The following CTNND2 variants were observed in gnomAD, a reference collection of about 807,000 sequenced individuals.
CTNND2 encodes the protein catenin delta-2.
In CTNND2, 22 loss-of-function variants were observed where a neutral mutation model predicts 144.4. The ratio of observed to expected loss-of-function variants is 0.15; its 90% confidence interval spans 0.11 to 0.22. The LOEUF (loss-of-function observed/expected upper bound fraction) is 0.22. Ranked by LOEUF, CTNND2 falls within the 10% of genes least tolerant of loss-of-function variation. CTNND2 has a pLI of 1.00. For missense variants in CTNND2, 1,353 were observed against 1,618.8 expected, an observed-to-expected ratio of 0.84 and a Z score of 2.82; for synonymous variants, 751 against 695.6, an observed-to-expected ratio of 1.08 and a Z score of -1.25.
chr5:11,242,913 C>T (rs1455074221), intron 9 of CTNND2, among the ~76,000 whole-genome samples: 1 of 152,130 alleles, frequency 6.6e-6, no homozygotes, highest in African/African-American at 2.4e-5. Context: ...TATTTTACTG[C>T]ATTTCTCTTA....
At chr5:11,218,976 T>A (rs1370096612) in intron 10 of CTNND2, among the ~76,000 whole-genome samples, 1 of 152,204 alleles carries the variant, frequency 6.6e-6, no homozygotes, top group Non-Finnish European at 1.5e-5. Flanking sequence ...GGCCTGCACA[T>A]AGGGTGTGGC....
chr5:11,835,423 C>T (rs890961807), intron 1 of CTNND2, among the ~76,000 whole-genome samples: 9 of 152,034 alleles, frequency 5.9e-5, no homozygotes, highest in African/African-American at 1.4e-4. Flanking sequence ...TTCACTTCAC[C>T]GGGAAACCAT....
chr5:11,207,413 G>C (rs1362196880), intron 10 of CTNND2, among the ~76,000 whole-genome samples: 2 of 151,466 alleles, frequency 1.3e-5, no homozygotes, highest in African/African-American at 4.9e-5. Flanking sequence ...TACATTCAAG[G>C]CCTCATGTTA....
intron 2 of CTNND2, among the ~76,000 whole-genome samples, chr5:11,697,973 A>G (rs1040573791): frequency 6.6e-6 from 1 of 152,220 alleles, no homozygotes; most frequent in South Asian, 2.1e-4. Context: ...GGGAAGCCAC[A>G]GATAGGACCT....
At chr5:11,440,338 A>C (rs1356762227) in intron 3 of CTNND2, among the ~76,000 whole-genome samples, 1 of 152,116 alleles carries the variant, frequency 6.6e-6, no homozygotes, top group Non-Finnish European at 1.5e-5. Flanking sequence ...AATTCTCCTC[A>C]AGTTCAACGT....
At chr5:11,190,033 G>T (rs550197997) in intron 11 of CTNND2, among the ~76,000 whole-genome samples, 3 of 152,288 alleles carry the variant, frequency 2.0e-5, no homozygotes, top group South Asian at 2.1e-4. Context: ...AAAATGACAG[G>T]AGACAAGAAT....
intron 5 of CTNND2, among the ~76,000 whole-genome samples, chr5:11,401,252 G>C (rs904859885): frequency 1.6e-4 from 24 of 152,210 alleles, no homozygotes; most frequent in African/African-American, 5.8e-4. Flanking sequence ...GAGTATTTTA[G>C]AGTTTCCATG....
At chr5:11,834,180 T>A (rs1275207261) in intron 1 of CTNND2, among the ~76,000 whole-genome samples, 2 of 152,278 alleles carry the variant, frequency 1.3e-5, no homozygotes, top group South Asian at 2.1e-4. Flanking sequence ...GCATTCTTAA[T>A]AACTGCACCA....
At chr5:11,887,025 C>T (rs1424370458) in intron 1 of CTNND2, among the ~76,000 whole-genome samples, 1 of 138,532 alleles carries the variant, frequency 7.2e-6, no homozygotes, top group Non-Finnish European at 1.5e-5. Flanking sequence ...GCTCTGTCAC[C>T]CAGGCTGGAG....
intron 9 of CTNND2, among the ~76,000 whole-genome samples, chr5:11,238,744 C>CTA (rs945981162): frequency 3.3e-5 from 5 of 151,910 alleles, no homozygotes; most frequent in South Asian, 2.1e-4. Context: ...TACATACACA[C>CTA]TATATATATA....
At chr5:11,670,493 T>C (rs1166076832) in intron 2 of CTNND2, among the ~76,000 whole-genome samples, 4 of 152,204 alleles carry the variant, frequency 2.6e-5, no homozygotes, top group Non-Finnish European at 5.9e-5. Flanking sequence ...GATCCCTTTA[T>C]CATTATATAA....
intron 11 of CTNND2, among the ~76,000 whole-genome samples, chr5:11,162,502 C>T (rs1049045279): frequency 1.3e-5 from 2 of 152,178 alleles, no homozygotes; most frequent in African/African-American, 2.4e-5. Context: ...CCCTTCCAGG[C>T]TGTCTCCATC....
intron 2 of CTNND2, among the ~76,000 whole-genome samples, chr5:11,649,364 C>T (rs893893849): frequency 1.3e-5 from 2 of 152,132 alleles, no homozygotes; most frequent in Non-Finnish European, 2.9e-5. Context: ...GTCACCCAGG[C>T]TGGAGTGCAG....
At chr5:11,578,608 C>T (rs914216254) in intron 2 of CTNND2, among the ~76,000 whole-genome samples, 5 of 151,966 alleles carry the variant, frequency 3.3e-5, no homozygotes, top group African/African-American at 1.2e-4. Context: ...TTGCAGTGAG[C>T]TGAGATCGTG....
At chr5:11,432,412 GGA>G (rs893755179) in intron 3 of CTNND2, among the ~76,000 whole-genome samples, 2 of 152,084 alleles carry the variant, frequency 1.3e-5, no homozygotes, top group African/African-American at 4.8e-5. Flanking sequence ...AAATCCCAGG[GGA>G]GTGTTGGCAT....
At chr5:11,059,142 G>A (rs998219230) in intron 16 of CTNND2, among the ~76,000 whole-genome samples, 1 of 152,178 alleles carries the variant, frequency 6.6e-6, no homozygotes, top group Non-Finnish European at 1.5e-5. Context: ...GGGAAGGCAT[G>A]ATTGGTTTTG....
chr5:11,269,252 A>G (rs1039624152), intron 9 of CTNND2, among the ~76,000 whole-genome samples: 1 of 152,226 alleles, frequency 6.6e-6, no homozygotes, highest in African/African-American at 2.4e-5. Context: ...CGCTTACCCC[A>G]AGCTAGTGAT....
intron 2 of CTNND2, among the ~76,000 whole-genome samples, chr5:11,665,359 G>C (rs955731930): frequency 6.6e-6 from 1 of 152,106 alleles, no homozygotes; most frequent in African/African-American, 2.4e-5. Flanking sequence ...CAGAGTTGTG[G>C]TACTGGTTTA....
At chr5:11,570,053 T>C (rs1393096656) in intron 2 of CTNND2, among the ~76,000 whole-genome samples, 2 of 152,230 alleles carry the variant, frequency 1.3e-5, no homozygotes, top group Non-Finnish European at 2.9e-5. Context: ...TCCATTCACA[T>C]ACAACATTTT....
Sources: allele counts gnomAD v4.1 joint callset (sites outside exome capture counted in the v4.1 genomes callset), GRCh38; gene constraint gnomAD v4.1.1; transcripts MANE v1.5; gene names NCBI Gene and HGNC (gene_info 2026-07-23, HGNC 2026-07-21).